Variants in COMMD10 observed in about 807,000 individuals in gnomAD.
The protein encoded by COMMD10 is COMM domain-containing protein 10.
A neutral mutation model predicts 28.9 loss-of-function variants in COMMD10; 33 were observed. That is an observed-to-expected ratio of 1.14 (90% CI 0.87 to 1.53). The LOEUF (loss-of-function observed/expected upper bound fraction) is 1.53, where lower values mean the gene tolerates loss of function less well. Ranked by LOEUF, COMMD10 falls within the 40% of genes most tolerant of loss-of-function variation. COMMD10 has a pLI of 0.00. For missense variants in COMMD10, 310 were observed against 233.4 expected (o/e 1.33, Z -2.14); for synonymous variants, 110 against 81.7 (o/e 1.35, Z -1.87).
At chr5:116,185,971 G>A (rs1463027900) in intron 5 of COMMD10, among the ~76,000 whole-genome samples, 1 of 152,048 alleles carries the variant, frequency 6.6e-6, no homozygotes, top group Non-Finnish European at 1.5e-5. Context: ...CTGCCATCAA[G>A]CATTTTTGGA....
intron 5 of COMMD10, among the ~76,000 whole-genome samples, chr5:116,258,008 G>A (rs924489914): frequency 6.6e-6 from 1 of 151,646 alleles, no homozygotes; most frequent in East Asian, 1.9e-4. Flanking sequence ...TTTAAAGAGG[G>A]TTCAGCAGCT....
chr5:116,141,878 C>G (rs1411871654), intron 5 of COMMD10, among the ~76,000 whole-genome samples: 1 of 151,596 alleles, frequency 6.6e-6, no homozygotes, highest in Non-Finnish European at 1.5e-5. Flanking sequence ...TTTAAGGGTT[C>G]TTTTTCTTTA....
At chr5:116,087,250 T>G (rs866392940) in intron 1 of COMMD10, among the ~76,000 whole-genome samples, 13 of 152,312 alleles carry the variant, frequency 8.5e-5, no homozygotes, top group African/African-American at 3.1e-4. Flanking sequence ...CCCTAGTAGT[T>G]TGGTTTGCCC....
chr5:116,134,596 G>A (rs1751970892), intron 5 of COMMD10, among the ~76,000 whole-genome samples: 1 of 152,046 alleles, frequency 6.6e-6, no homozygotes, highest in Non-Finnish European at 1.5e-5. Context: ...GCCTGCATGT[G>A]TTTAAATCCC....
At chr5:116,209,981 A>T (rs1309227376) in intron 5 of COMMD10, among the ~76,000 whole-genome samples, 1 of 152,178 alleles carries the variant, frequency 6.6e-6, no homozygotes, top group Non-Finnish European at 1.5e-5. Flanking sequence ...TGAGAGCAGG[A>T]TGCTGGCATC....
chr5:116,167,669 G>A lies in COMMD10; in HGVS notation c.510+33491G>A, dbSNP rs1218276151. Among the ~76,000 whole-genome samples the A allele has an allele frequency of 5.3e-5, 8 of 152,100 alleles. No individual in the cohort carries two copies. In the East Asian group the frequency reaches 1.5e-3, roughly 29 times the overall value. On this transcript the variant is annotated intron_variant, in intron 5 of 6. Transcript: ENST00000274458. ...CCCTACAAGCCAGAAGAGAGTGGGG[G>A]CCAATATTCAACACTCTTAAAGAAA...
rs187306728 is a variant in COMMD10 at position 116,114,637 on chromosome 5, C to T, written c.400-19431C>T. Among the ~76,000 whole-genome samples, 265 of 152,282 alleles carry T rather than the reference C, an allele frequency of 1.7e-3. 1 individual carries two copies. The highest frequency in any genetic ancestry group is 6.0e-3 in the African/African-American group (250 of 41,558). ...TGGATTGGGAAAGCCTGGGCTTGTCCTATGAAATGCTTGCATGAGGGGTGA... is the reference window on the plus strand; with the variant it reads ...TGGATTGGGAAAGCCTGGGCTTGTCTTATGAAATGCTTGCATGAGGGGTGA... On this transcript the variant is annotated intron_variant, in intron 4 of 6. Transcript: ENST00000274458.
At chr5:116,238,994 A>T (rs1749746310) in intron 5 of COMMD10, among the ~76,000 whole-genome samples, 3 of 152,086 alleles carry the variant, frequency 2.0e-5, no homozygotes, top group Admixed American at 2.0e-4. Flanking sequence ...GCATAGTAGC[A>T]GCATGCTGCA....
chr5:116,239,186 A>G (rs1039762287), intron 5 of COMMD10, among the ~76,000 whole-genome samples: 1 of 152,182 alleles, frequency 6.6e-6, no homozygotes, highest in African/African-American at 2.4e-5. Context: ...AACTCTTCAC[A>G]CAAGAATCTT....
intron 4 of COMMD10, among the ~76,000 whole-genome samples, chr5:116,097,071 A>C (rs747892964): frequency 6.6e-6 from 1 of 152,002 alleles, no homozygotes; most frequent in Non-Finnish European, 1.5e-5. Context: ...TTCATGATGA[A>C]AGTTTGTTTT....
At chr5:116,229,735 AT>A (rs1367562856) in intron 5 of COMMD10, among the ~76,000 whole-genome samples, 1 of 152,022 alleles carries the variant, frequency 6.6e-6, no homozygotes, top group Non-Finnish European at 1.5e-5. Flanking sequence ...AGCACAATTT[AT>A]TTGTCCAGCA....
At chr5:116,270,916 G>A (rs1480677287) in intron 5 of COMMD10, among the ~76,000 whole-genome samples, 1 of 151,582 alleles carries the variant, frequency 6.6e-6, no homozygotes, top group African/African-American at 2.4e-5. Flanking sequence ...TCCAGCATGG[G>A]CAACGAGCAA....
chr5:116,167,005 G>A (rs563079774), intron 5 of COMMD10, among the ~76,000 whole-genome samples: 51 of 152,134 alleles, frequency 3.4e-4, no homozygotes, highest in African/African-American at 7.5e-4. Flanking sequence ...TGAGTTTGAC[G>A]AATTGACAGA....
chr5:116,200,077 A>G (rs568899417), intron 5 of COMMD10, among the ~76,000 whole-genome samples: 3 of 151,906 alleles, frequency 2.0e-5, no homozygotes, highest in Admixed American at 6.6e-5. Context: ...ATCATGAAGA[A>G]TGGGGTATCC....
intron 5 of COMMD10, among the ~76,000 whole-genome samples, chr5:116,207,448 A>G (rs1007820728): frequency 6.6e-6 from 1 of 152,120 alleles, no homozygotes; most frequent in African/African-American, 2.4e-5. Flanking sequence ...GATAATATCG[A>G]TGTTCTCTTT....
At chr5:116,128,247 G>T (rs1327324454) in intron 4 of COMMD10, among the ~76,000 whole-genome samples, 1 of 152,068 alleles carries the variant, frequency 6.6e-6, no homozygotes, top group Non-Finnish European at 1.5e-5. Context: ...ATAATATTTT[G>T]AGGTGACATT....
At chr5:116,197,183 T>A (rs958819205) in intron 5 of COMMD10, among the ~76,000 whole-genome samples, 6 of 152,284 alleles carry the variant, frequency 3.9e-5, no homozygotes, top group Non-Finnish European at 7.4e-5. Flanking sequence ...ATCTTGAGTT[T>A]TGGAAGAGAC....
chr5:116,258,637 C>T (rs142971714), intron 5 of COMMD10, among the ~76,000 whole-genome samples: 5 of 151,738 alleles, frequency 3.3e-5, no homozygotes, highest in Non-Finnish European at 7.4e-5. Flanking sequence ...ATTCTATTGA[C>T]TTTTCTGATA....
In COMMD10 at chr5:116,195,158, C is replaced by T. The variant is rs897898113; in HGVS notation, c.510+60980C>T. Among the ~76,000 whole-genome samples the T allele has an allele frequency of 9.9e-5, 15 of 152,140 alleles. No individual in the cohort carries two copies. The East Asian group carries it at 1.7e-3, about 18-fold the overall frequency. On this transcript the variant is annotated intron_variant, in intron 5 of 6. Transcript: ENST00000274458. ...CTCAACAAAATCGGCATACAAGGGA[C>T]GTACCATAATGTAATAAAAGCCATC...
Sources: gnomAD v4.1 joint callset for allele counts (sites outside exome capture counted in the v4.1 genomes callset) on GRCh38, gnomAD v4.1.1 for gene constraint, MANE v1.5 for transcripts, NCBI Gene and HGNC (gene_info 2026-07-23, HGNC 2026-07-21) for gene names.